PARD3: variants seen among roughly 807,000 people sequenced by gnomAD.
PARD3 encodes partitioning defective 3 homolog.
Under a neutral mutation model 155.4 loss-of-function variants are expected in PARD3, and 75 were observed. The ratio of observed to expected loss-of-function variants is 0.48; its 90% CI spans 0.40 to 0.58. The LOEUF is 0.58. PARD3 is among the 20% of genes least tolerant of loss of function. The probability of loss-of-function intolerance (pLI) is 0.00; values close to 1 mark genes in which losing one functional copy is unlikely to be tolerated. For synonymous variants in PARD3, 576 were observed against 610.5 expected (o/e 0.94, Z 0.83); for missense variants, 1,642 against 1,721.7 (o/e 0.95, Z 0.82).
chr10:34,160,214 T>C (rs1232587181), intron 22 of PARD3, among the ~76,000 whole-genome samples: 1 of 152,222 alleles, frequency 6.6e-6, no homozygotes, highest in Non-Finnish European at 1.5e-5. Context: ...TCGAATGCAC[T>C]GTTAAGAAGG....
intron 5 of PARD3, among the ~76,000 whole-genome samples, chr10:34,448,435 G>C (rs1339100096): frequency 6.6e-6 from 1 of 152,084 alleles, no homozygotes; most frequent in African/African-American, 2.4e-5. Flanking sequence ...ACTTTCAATT[G>C]TAAGATGAAT....
At chr10:34,484,579 T>C (rs768506265) in intron 3 of PARD3, among the ~76,000 whole-genome samples, 16 of 152,178 alleles carry the variant, frequency 1.1e-4, no homozygotes, top group Non-Finnish European at 1.3e-4. Context: ...TCTTTCCCTT[T>C]ATCAACCCAT....
chr10:34,265,162 A>G (rs1445162933), intron 22 of PARD3, among the ~76,000 whole-genome samples: 2 of 152,212 alleles, frequency 1.3e-5, no homozygotes, highest in African/African-American at 4.8e-5. Flanking sequence ...GTTACCCACG[A>G]CACTAATAAA....
chr10:34,746,503 G>A (rs2133919399), intron 1 of PARD3, among the ~76,000 whole-genome samples: 1 of 152,216 alleles, frequency 6.6e-6, no homozygotes, highest in East Asian at 1.9e-4. Flanking sequence ...ATTTATTAAA[G>A]CCATGAAAGT....
chr10:34,562,358 A>T (rs185411590), intron 2 of PARD3, among the ~76,000 whole-genome samples: 104 of 151,994 alleles, frequency 6.8e-4, no homozygotes, highest in Non-Finnish European at 1.3e-3. Context: ...AATCACTTGA[A>T]CCAGGGAGTC....
chr10:34,804,578 T>C (rs1051628294), intron 1 of PARD3, among the ~76,000 whole-genome samples: 4 of 152,376 alleles, frequency 2.6e-5, no homozygotes, highest in Admixed American at 2.6e-4. Flanking sequence ...TAACCATTAT[T>C]CACATATGGT....
intron 2 of PARD3, among the ~76,000 whole-genome samples, chr10:34,538,111 C>T (rs943594548): frequency 1.3e-4 from 20 of 152,360 alleles, no homozygotes; most frequent in Middle Eastern, 3.4e-3. Flanking sequence ...CGCCACTGCA[C>T]TCCAGCCTGG....
At chr10:34,493,386 T>A (rs1301341405) in intron 3 of PARD3, among the ~76,000 whole-genome samples, 2 of 152,164 alleles carry the variant, frequency 1.3e-5, no homozygotes, top group Non-Finnish European at 2.9e-5. Flanking sequence ...GAGAGAGAAT[T>A]ATTAAATTTT....
chr10:34,153,803 T>C (rs915441924), intron 22 of PARD3, among the ~76,000 whole-genome samples: 2 of 152,222 alleles, frequency 1.3e-5, no homozygotes, highest in African/African-American at 4.8e-5. Flanking sequence ...CTTTTAGTGT[T>C]TCCCCTTATG....
At chr10:34,742,559 G>C (rs977047007) in intron 1 of PARD3, among the ~76,000 whole-genome samples, 1 of 152,150 alleles carries the variant, frequency 6.6e-6, no homozygotes, top group Non-Finnish European at 1.5e-5. Context: ...AAGCAGAACT[G>C]CATCATAAGA....
intron 2 of PARD3, among the ~76,000 whole-genome samples, chr10:34,645,022 T>G (rs2092793108): frequency 6.6e-6 from 1 of 152,014 alleles, no homozygotes; most frequent in African/African-American, 2.4e-5. Context: ...CCCAGCTAAT[T>G]TTTTATATTT....
chr10:34,235,811 C>T (rs563341419), intron 22 of PARD3, among the ~76,000 whole-genome samples: 80 of 152,142 alleles, frequency 5.3e-4, no homozygotes, highest in Non-Finnish European at 6.3e-4. Flanking sequence ...TTGTACTAAA[C>T]GATTTTGATT....
intron 5 of PARD3, among the ~76,000 whole-genome samples, chr10:34,439,820 C>T (rs992243859): frequency 2.0e-5 from 3 of 152,116 alleles, no homozygotes; most frequent in African/African-American, 4.8e-5. Flanking sequence ...CAAAAGCCTA[C>T]GCCAACCCTA....
chr10:34,811,912 A>G (rs1475347965), intron 1 of PARD3, among the ~76,000 whole-genome samples: 2 of 152,192 alleles, frequency 1.3e-5, no homozygotes, highest in African/African-American at 4.8e-5. Flanking sequence ...CCCAATGTCT[A>G]GCACCGCACT....
In PARD3 at chr10:34,331,338, G is replaced by A. The variant is rs758845139; in HGVS notation, c.2612C>T (p.Pro871Leu). The A allele has an allele frequency of 6.2e-7, 1 of 1,608,514 alleles. No individual in the cohort carries two copies. The highest frequency in any genetic ancestry group is 1.1e-5 in the South Asian group (1 of 90,922). Reference sequence around the variant, plus strand: ...CAGGGAAGGACCCACATCTCTGCTGGGAGAACCTGGGAGGTTTACAAGAAA... The same window carrying A: ...CAGGGAAGGACCCACATCTCTGCTGAGAGAACCTGGGAGGTTTACAAGAAA... The part of the protein sequence containing the change: ...NTVDDQKAGS[P>L]SRDVGPSLGL... The change falls in exon 19 of 25, where the codon CCC becomes CTC. Residue 871 changes from proline (P) to leucine (L), a missense_variant. Around this residue, in one of 3 missense-constraint regions of PARD3, gnomAD observed 1,529 missense variants for 1,587.3 expected, o/e 0.96. Transcript: ENST00000374788.
intron 2 of PARD3, among the ~76,000 whole-genome samples, chr10:34,652,800 C>G (rs1037025166): frequency 1.3e-5 from 2 of 152,322 alleles, no homozygotes; most frequent in Non-Finnish European, 2.9e-5. Flanking sequence ...GCAACCATAA[C>G]TAACCACCAT....
At chr10:34,608,532 T>A (rs2090636687) in intron 2 of PARD3, among the ~76,000 whole-genome samples, 1 of 128,884 alleles carries the variant, frequency 7.8e-6, no homozygotes, top group South Asian at 2.5e-4. Flanking sequence ...TAAAAAAGAA[T>A]ACTTTTTTTT....
intron 22 of PARD3, among the ~76,000 whole-genome samples, chr10:34,138,006 A>G (rs761889745): frequency 6.6e-6 from 1 of 152,180 alleles, no homozygotes; most frequent in Non-Finnish European, 1.5e-5. Context: ...TCAAGGAAAT[A>G]AAGTATGGAT....
chr10:34,627,255 T>C (rs373672361), intron 2 of PARD3, among the ~76,000 whole-genome samples: 1 of 152,160 alleles, frequency 6.6e-6, no homozygotes, highest in Admixed American at 6.5e-5. Flanking sequence ...CTTGAACTCC[T>C]GAGCTCAAGC....
Sources: allele counts gnomAD v4.1 joint callset (sites outside exome capture counted in the v4.1 genomes callset), GRCh38; gene constraint gnomAD v4.1.1; regional missense constraint gnomAD v4.1.1; transcripts MANE v1.5; gene names NCBI Gene and HGNC (gene_info 2026-07-23, HGNC 2026-07-21).